LAMA3: variants seen among roughly 807,000 people sequenced by gnomAD.
LAMA3 encodes laminin subunit alpha-3.
In LAMA3, 281 loss-of-function variants were observed where a neutral mutation model predicts 402.0. That is an observed-to-expected ratio of 0.70 (90% CI 0.63 to 0.77). The LOEUF is 0.77. Ranked by LOEUF, LAMA3 falls within the 30% of genes least tolerant of loss-of-function variation. The probability of loss-of-function intolerance (pLI) is 0.00; values close to 1 mark genes in which losing one functional copy is unlikely to be tolerated. For missense variants in LAMA3, 3,840 were observed against 4,215.5 expected, an observed-to-expected ratio of 0.91 and a Z score of 2.47; for synonymous variants, 1,431 against 1,558.4, an observed-to-expected ratio of 0.92 and a Z score of 1.93.
At chr18:23,831,712 G>A (rs563176936) in intron 23 of LAMA3, among the ~76,000 whole-genome samples, 64 of 152,228 alleles carry the variant, frequency 4.2e-4, no homozygotes, top group African/African-American at 1.3e-3. Flanking sequence ...TGGTGGACTG[G>A]CATAGCATAG....
At chr18:23,704,904 T>G (rs540260222) in intron 1 of LAMA3, among the ~76,000 whole-genome samples, 117 of 152,298 alleles carry the variant, frequency 7.7e-4, no homozygotes, top group South Asian at 1.9e-3. Flanking sequence ...GAGAGACTAC[T>G]TTTTTCCATC....
intron 1 of LAMA3, among the ~76,000 whole-genome samples, chr18:23,698,070 C>T (rs920976040): frequency 2.3e-5 from 3 of 128,510 alleles, no homozygotes; most frequent in Non-Finnish European, 4.7e-5. Flanking sequence ...CTTTAAAGGC[C>T]CTATCTCAAA....
chr18:23,693,173 G>A (rs1026551557), intron 1 of LAMA3, among the ~76,000 whole-genome samples: 4 of 152,074 alleles, frequency 2.6e-5, no homozygotes, highest in Non-Finnish European at 5.9e-5. Context: ...GTGAAACCCC[G>A]TTTCTACTAA....
At position 23,915,424 on chromosome 18, in the gene LAMA3, T is replaced by G; in HGVS notation, c.7778+2T>G. The G allele has an allele frequency of 6.2e-7, 1 of 1,613,304 alleles. No individual in the cohort carries two copies. The highest frequency in any genetic ancestry group is 1.1e-5 in the South Asian group (1 of 91,054). ...AACTGAAGTGGAGCCTTGTAGAAGGTAAATAAAATGTAGAAACCAGAAACT... is the reference window on the plus strand; with the variant it reads ...AACTGAAGTGGAGCCTTGTAGAAGGGAAATAAAATGTAGAAACCAGAAACT... On this transcript the variant is annotated splice_donor_variant, in intron 59 of 74. Transcript: ENST00000313654. LOFTEE classifies it high-confidence loss of function.
intron 2 of LAMA3, among the ~76,000 whole-genome samples, chr18:23,723,897 A>G (rs1173002043): frequency 6.6e-6 from 1 of 152,112 alleles, no homozygotes; most frequent in Admixed American, 6.5e-5. Context: ...TTTTATTTCT[A>G]TAGGTTTTTG....
intron 31 of LAMA3, among the ~76,000 whole-genome samples, chr18:23,847,234 G>T (rs2063836726): frequency 6.6e-6 from 1 of 152,180 alleles, no homozygotes. Context: ...AGCGAGGTGG[G>T]CTCCTTGGAG....
intron 42 of LAMA3, among the ~76,000 whole-genome samples, chr18:23,890,363 A>G (rs1299922093): frequency 6.6e-6 from 1 of 152,094 alleles, no homozygotes; most frequent in Non-Finnish European, 1.5e-5. Context: ...TTTTTTTTAA[A>G]AAGTGAATTG....
At chr18:23,838,712 GT>G in intron 25 of LAMA3, 68 bp from the exon 26 acceptor site, 6 of 834,496 alleles carry the variant, frequency 7.2e-6, no homozygotes, top group Non-Finnish European at 1.1e-5. Flanking sequence ...TTAAAAGGGT[GT>G]TTTTGGCCAT....
At chr18:23,880,607 G>C (rs959728805) in intron 39 of LAMA3, among the ~76,000 whole-genome samples, 1 of 152,164 alleles carries the variant, frequency 6.6e-6, no homozygotes, top group South Asian at 2.1e-4. Flanking sequence ...GGCTGGGCGC[G>C]ATGGCTCATG....
chr18:23,816,237 G>A lies in LAMA3; in HGVS notation c.2048-151G>A, dbSNP rs1052927156. ...ACCATTTTGGTTTGGGAGTTTCCAA[G>A]ATTTCAAACACTTGCCAGACAGATG... On this transcript the variant is annotated intron_variant, in intron 17 of 74. Transcript: ENST00000313654. The A allele has an allele frequency of 5.7e-6, 4 of 707,858 alleles. No individual in the cohort carries two copies. In the African/African-American group the frequency reaches 7.0e-5, roughly 12 times the overall value. 43.8% of individuals were successfully genotyped at this position (707,858 alleles called of 1,614,324 possible).
At chr18:23,874,779 A>G (rs188170534) in intron 38 of LAMA3, among the ~76,000 whole-genome samples, 19 of 152,372 alleles carry the variant, frequency 1.2e-4, no homozygotes, top group African/African-American at 4.1e-4. Flanking sequence ...ATAAAAGACT[A>G]TCCTTTATCT....
At chr18:23,893,914 G>A (rs750056962) in intron 42 of LAMA3, among the ~76,000 whole-genome samples, 3 of 152,190 alleles carry the variant, frequency 2.0e-5, no homozygotes, top group East Asian at 1.9e-4. Flanking sequence ...GCCCTAATGC[G>A]AATGATCGAG....
At chr18:23,840,549 A>T (rs1266344780) in intron 27 of LAMA3, among the ~76,000 whole-genome samples, 1 of 149,352 alleles carries the variant, frequency 6.7e-6, no homozygotes, top group Non-Finnish European at 1.5e-5. Flanking sequence ...TGCCCAGCTA[A>T]TTTTTTTTTT....
chr18:23,789,862 C>T (rs1051404992), intron 12 of LAMA3, among the ~76,000 whole-genome samples: 5 of 152,140 alleles, frequency 3.3e-5, no homozygotes, highest in African/African-American at 1.2e-4. Context: ...AAAAATAAGG[C>T]AGAGGTGGGA....
intron 21 of LAMA3, among the ~76,000 whole-genome samples, chr18:23,825,347 T>C (rs1367940067): frequency 6.6e-6 from 1 of 152,098 alleles, no homozygotes; most frequent in African/African-American, 2.4e-5. Flanking sequence ...CAAAATAGAG[T>C]CCTTGGGAAA....
chr18:23,706,048 G>C (rs1048833979), intron 1 of LAMA3, among the ~76,000 whole-genome samples: 1 of 151,794 alleles, frequency 6.6e-6, no homozygotes, highest in South Asian at 2.1e-4. Context: ...TTTTTATTTT[G>C]CTTGCTCATA....
chr18:23,801,811 G>A (rs373924030), intron 12 of LAMA3, among the ~76,000 whole-genome samples: 34 of 151,906 alleles, frequency 2.2e-4, no homozygotes, highest in African/African-American at 3.1e-4. Context: ...ACATTTTTTC[G>A]TATACTTGTT....
intron 56 of LAMA3, 31 bp downstream of exon 56, chr18:23,912,912 T>C: frequency 6.3e-7 from 1 of 1,597,588 alleles, no homozygotes; most frequent in Admixed American, 1.7e-5. Context: ...TCTCTTGTTT[T>C]TGAAACAATG....
Position 23,907,715 on chromosome 18 carries a change from C to T in LAMA3, c.6836-41C>T, listed in dbSNP as rs376640573. 9.2e-5 allele frequency: 148 copies of T among 1,612,536 alleles called. No individual in the cohort carries two copies. The Middle Eastern group carries it at 1.3e-3, about 14-fold the overall frequency. Reference sequence around the variant, plus strand: ...TACTCGGTTGGCTTCTTTTGTTGAACGTTTTAGATACTTATACCTCCCTAT... The same window carrying T: ...TACTCGGTTGGCTTCTTTTGTTGAATGTTTTAGATACTTATACCTCCCTAT... On this transcript the variant is annotated intron_variant, in intron 53 of 74. Transcript: ENST00000313654.
Sources: allele counts gnomAD v4.1 joint callset (sites outside exome capture counted in the v4.1 genomes callset), GRCh38; gene constraint gnomAD v4.1.1; transcripts MANE v1.5; gene names NCBI Gene and HGNC (gene_info 2026-07-23, HGNC 2026-07-21).